SERINC2: variants seen among roughly 807,000 people sequenced by gnomAD.
SERINC2 encodes the protein serine incorporator 2.
Under a neutral mutation model 54.2 loss-of-function variants are expected in SERINC2, and 56 were observed. The observed-to-expected ratio is 1.03, with a 90% CI of 0.83 to 1.29. SERINC2 has a LOEUF of 1.29. Ranked by LOEUF, SERINC2 falls within the 50% of genes most tolerant of loss-of-function variation. The pLI is 0.00. For synonymous variants in SERINC2, 272 were observed against 253.1 expected (o/e 1.07, Z -0.71); for missense variants, 614 against 607.4 (o/e 1.01, Z -0.12).
intron 1 of SERINC2, chr1:31,414,013 G>A (rs1640712356): frequency 1.3e-6 from 2 of 1,525,890 alleles, no homozygotes; most frequent in Non-Finnish European, 1.7e-6. Context: ...CGGAGACTGG[G>A]ATGGGAGCGG....
rs571252689 is a variant in SERINC2 at position 31,426,653 on chromosome 1, G to A, written c.611-1G>A. 6.2e-7 allele frequency: 1 copy of A among 1,605,688 alleles called. No homozygotes were observed. The highest frequency in any genetic ancestry group is 1.3e-5 in the African/African-American group (1 of 74,888). On this transcript the variant is annotated splice_acceptor_variant, in intron 5 of 9. Transcript: ENST00000373709. LOFTEE classifies it high-confidence loss of function. ...ACCCTCTCACTACCCCTCTGGCCCA[G>A]GCCTCTTCTTCTTCACTCTCCTCTT...
chr1:31,413,719 C>G lies in SERINC2; in HGVS notation c.39+415C>G. On this transcript the variant is annotated intron_variant, in intron 1 of 9. Transcript: ENST00000373709. The surrounding 1 kb of genome is among the most constrained non-coding windows in gnomAD (Gnocchi z 5.0). ...GCCCTGGTTCTCTGTGTAGGTCGCC[C>G]GGGCCCCGTCCCTCCTGGCGAGTGC... 4 of 1,266,322 alleles carry G rather than the reference C, an allele frequency of 3.2e-6. No homozygotes were observed. The highest frequency in any genetic ancestry group is 3.0e-6 in the Non-Finnish European group (3 of 1,003,288). 78.4% of individuals were successfully genotyped at this position (1,266,322 alleles called of 1,614,324 possible).
intron 8 of SERINC2, among the ~76,000 whole-genome samples, chr1:31,432,474 A>T (rs1641333943): frequency 6.6e-6 from 1 of 152,102 alleles, no homozygotes; most frequent in African/African-American, 2.4e-5. Flanking sequence ...TGGTAAAACC[A>T]CCTGACACTA....
upstream of SERINC2, chr1:31,409,935 C>A: frequency 7.8e-7 from 1 of 1,282,670 alleles, no homozygotes. Context: ...TTTGAAAACT[C>A]AGGCCCAGTG....
chr1:31,420,059 T>A (rs1382319363), intron 1 of SERINC2, among the ~76,000 whole-genome samples: 1 of 152,210 alleles, frequency 6.6e-6, no homozygotes, highest in East Asian at 1.9e-4. Flanking sequence ...CCACAATGAA[T>A]TTCCATGTGT....
intron 8 of SERINC2, among the ~76,000 whole-genome samples, chr1:31,432,102 CAGGGTGGATAGGGTGGTT>C (rs1557501273): frequency 0.015 from 202 of 13,116 alleles, 10 homozygotes; most frequent in Non-Finnish European, 0.018. Context: ...ACAGGGTGGA[CAGGGTGGATAGGGTGGTT>C]AGGGTGGATA....
intron 9 of SERINC2, 76 bp downstream of exon 9, chr1:31,433,261 A>C: frequency 7.7e-7 from 1 of 1,303,030 alleles, no homozygotes; most frequent in Non-Finnish European, 1.1e-6. Flanking sequence ...GCGGCCCTTC[A>C]CTGGGTTTTC....
At chr1:31,430,074 G>A (rs1464513567) in intron 8 of SERINC2, among the ~76,000 whole-genome samples, 1 of 152,044 alleles carries the variant, frequency 6.6e-6, no homozygotes, top group Non-Finnish European at 1.5e-5. Context: ...TTTGAGCCTG[G>A]CATTGCCACT....
Position 31,433,039 on chromosome 1 carries a change from C to CAT in SERINC2, c.1087_1088insTA (p.Thr363IlefsTer42), listed in dbSNP as rs1553135035. 8 of 1,507,138 alleles carry CAT rather than the reference C, an allele frequency of 5.3e-6. No individual in the cohort carries two copies. The highest frequency in any genetic ancestry group is 4.7e-5 in the East Asian group (2 of 42,594). 93.4% of individuals were successfully genotyped at this position (1,507,138 alleles called of 1,614,324 possible). A position where few individuals can be genotyped will look rare whatever the true frequency, so the allele number is the denominator to read the frequency against. On this transcript the variant is annotated frameshift_variant, in exon 9 of 10. Transcript: ENST00000373709. LOFTEE classifies it high-confidence loss of function. ...AGGAGTGCCCACCTATGCTAGACGC[C>CAT]ACACAGCAGCAGCAGCAGGTGGCAG...
At chr1:31,427,303 G>A (rs1641072801) in intron 6 of SERINC2, among the ~76,000 whole-genome samples, 1 of 152,194 alleles carries the variant, frequency 6.6e-6, no homozygotes, top group Non-Finnish European at 1.5e-5. Context: ...ATGGGCAGGA[G>A]CTCCCAGAGG....
In SERINC2 at chr1:31,413,237, C is replaced by T. The variant is rs1195676383; in HGVS notation, c.-29C>T. 20 of 1,153,224 alleles carry T rather than the reference C, an allele frequency of 1.7e-5. No homozygotes were observed. The East Asian group carries it at 5.4e-4, about 31-fold the overall frequency. The allele number at this position is 1,153,224 out of a possible 1,614,324, so 71.4% of individuals were successfully genotyped here. A position where few individuals can be genotyped will look rare whatever the true frequency, so the allele number is the denominator to read the frequency against. ...CGAGGTCCGCGCCCCGCGCCCGGCG[C>T]CGGGCGCCCGAAGCCGGGAGCCGCC... On this transcript the variant is annotated 5_prime_UTR_variant, in exon 1 of 10. Transcript: ENST00000373709. The surrounding 1 kb of genome is among the most constrained non-coding windows in gnomAD (Gnocchi z 5.0).
chr1:31,410,066 C>T (rs192533590), upstream of SERINC2: 12 of 1,051,102 alleles, frequency 1.1e-5, no homozygotes, highest in Non-Finnish European at 1.6e-5. Context: ...GACCAAATGA[C>T]CCCTACATGT....
intron 1 of SERINC2, among the ~76,000 whole-genome samples, chr1:31,416,120 C>T (rs1405091036): frequency 1.3e-5 from 2 of 152,178 alleles, no homozygotes; most frequent in African/African-American, 4.8e-5. Context: ...GTCACTTTGC[C>T]CATCCCCTTG....
chr1:31,413,872 G>C lies in SERINC2; in HGVS notation c.39+568G>C. On this transcript the variant is annotated intron_variant, in intron 1 of 9. Coordinates refer to ENST00000373709, the MANE Select transcript of SERINC2 (RefSeq NM_178865.5). This position sits in a 1 kb window ranked among gnomAD's most constrained non-coding sequence, Gnocchi z 5.0. ...GTCCGACTGTCTTTGTCCGTCTGCT[G>C]TCTTCTGTCCGTCTGCCCGTCCGCC... 6.9e-7 allele frequency: 1 copy of C among 1,441,920 alleles called. No homozygotes were observed. The allele number at this position is 1,441,920 out of a possible 1,614,324, so 89.3% of individuals were successfully genotyped here. A position where few individuals can be genotyped will look rare whatever the true frequency, so the allele number is the denominator to read the frequency against.
chr1:31,417,667 C>T (rs1640811910), intron 1 of SERINC2, among the ~76,000 whole-genome samples: 2 of 152,134 alleles, frequency 1.3e-5, no homozygotes, highest in Non-Finnish European at 2.9e-5. Context: ...CAGACTGAAA[C>T]TCCCACTAAA....
rs549337619 is a variant in SERINC2 at position 31,413,716 on chromosome 1, G to A, written c.39+412G>A. On this transcript the variant is annotated intron_variant, in intron 1 of 9. Transcript: ENST00000373709. The surrounding 1 kb of genome is among the most constrained non-coding windows in gnomAD (Gnocchi z 5.0). ...GACGCCCTGGTTCTCTGTGTAGGTC[G>A]CCCGGGCCCCGTCCCTCCTGGCGAG... 1.6e-6 allele frequency: 2 copies of A among 1,219,678 alleles called. No individual in the cohort carries two copies. The highest frequency in any genetic ancestry group is 1.6e-5 in the African/African-American group (1 of 62,386). The allele number at this position is 1,219,678 out of a possible 1,614,324, so 75.6% of individuals were successfully genotyped here.
rs34555734 is a variant in SERINC2, at chr1:31,413,254, G to C, written c.-12G>C. The C allele has an allele frequency of 0.068, 81,818 of 1,209,200 alleles. 3,715 individuals carry two copies. Among genetic ancestry groups the C allele is most frequent in the East Asian group, 0.21 (5,812 of 27,940 alleles). The allele number at this position is 1,209,200 out of a possible 1,614,324, so 74.9% of individuals were successfully genotyped here. On this transcript the variant is annotated 5_prime_UTR_variant, in exon 1 of 10. Transcript: ENST00000373709. The surrounding 1 kb of genome is among the most constrained non-coding windows in gnomAD (Gnocchi z 5.0). ...GCCCGGCGCCGGGCGCCCGAAGCCG[G>C]GAGCCGCCGCCATGGGGGCCTGCCT...
In SERINC2 at chr1:31,434,202, C is replaced by T. The variant is rs1363711585; in HGVS notation, c.*3C>T. ...TGCGCAACCGCGACTTCAGCTGAGG[C>T]AGCCTCACAGCCTGCCATCTGGTGC... On this transcript the variant is annotated 3_prime_UTR_variant, in exon 10 of 10. Transcript: ENST00000373709. The T allele has an allele frequency of 6.2e-7, 1 of 1,611,196 alleles. No homozygotes were observed. Among genetic ancestry groups the T allele is most frequent in the Non-Finnish European group, 8.5e-7 (1 of 1,179,242 alleles).
chr1:31,433,012 C>G lies in SERINC2; in HGVS notation c.1059C>G (p.Thr353=), dbSNP rs782196463. ...DHRQVNSLMQ[T]EECPPMLDAT... is the part of the protein sequence containing the mutation. ...GGCAGGTGAACAGCCTGATGCAGAC[C>G]GAGGAGTGCCCACCTATGCTAGACG... The change falls in exon 9 of 10, where the codon ACC becomes ACG. Residue 353 remains threonine, a synonymous_variant. Transcript: ENST00000373709. 2.5e-6 allele frequency: 4 copies of G among 1,609,790 alleles called. No individual in the cohort carries two copies. Among genetic ancestry groups the G allele is most frequent in the Middle Eastern group, 1.6e-4 (1 of 6,062 alleles).
Sources: allele counts gnomAD v4.1 joint callset (sites outside exome capture counted in the v4.1 genomes callset), GRCh38; gene constraint gnomAD v4.1.1; non-coding constraint Gnocchi (gnomAD v3.1); transcripts MANE v1.5; gene names NCBI Gene and HGNC (gene_info 2026-07-23, HGNC 2026-07-21).